Variants in NETO1 observed in about 807,000 individuals in gnomAD.
NETO1 encodes neuropilin and tolloid-like protein 1.
A neutral mutation model predicts 61.3 loss-of-function variants in NETO1; 26 were observed. That is an observed-to-expected ratio of 0.42 (90% CI 0.31 to 0.59). The LOEUF (loss-of-function observed/expected upper bound fraction) is 0.59. NETO1 is among the 20% of genes least tolerant of loss of function. The pLI, the probability that NETO1 is intolerant of heterozygous loss-of-function variation, is 0.12. For synonymous variants in NETO1, 225 were observed against 225.8 expected, an observed-to-expected ratio of 1.00 and a Z score of 0.03; for missense variants, 531 against 662.8, an observed-to-expected ratio of 0.80 and a Z score of 2.18.
At chr18:72,795,717 C>CAT (rs150310117) in intron 4 of NETO1, among the ~76,000 whole-genome samples, 4,065 of 152,186 alleles carry the variant, frequency 0.027, 48 homozygotes, top group South Asian at 0.066. Flanking sequence ...AGATAATTCA[C>CAT]GTCTTACCAC....
intron 7 of NETO1, among the ~76,000 whole-genome samples, chr18:72,765,781 A>G (rs2071133731): frequency 6.6e-6 from 1 of 152,220 alleles, no homozygotes; most frequent in Non-Finnish European, 1.5e-5. Flanking sequence ...ATGTCTGACA[A>G]TGATCTTAAA....
At chr18:72,814,752 A>G (rs899475821) in intron 4 of NETO1, among the ~76,000 whole-genome samples, 2 of 152,060 alleles carry the variant, frequency 1.3e-5, no homozygotes, top group Non-Finnish European at 2.9e-5. Context: ...AAAAAGCATT[A>G]CTACAAATAA....
chr18:72,828,773 A>G (rs2073477542), intron 4 of NETO1, among the ~76,000 whole-genome samples: 1 of 152,220 alleles, frequency 6.6e-6, no homozygotes, highest in South Asian at 2.1e-4. Context: ...AAATGACAGG[A>G]TGACTGCAGA....
chr18:72,754,222 G>T (rs1165329412), intron 8 of NETO1, among the ~76,000 whole-genome samples: 2 of 151,878 alleles, frequency 1.3e-5, no homozygotes, highest in Middle Eastern at 3.2e-3. Flanking sequence ...TAAAATGTTG[G>T]ACTAGAATAT....
At chr18:72,758,496 T>G (rs112760176) in intron 7 of NETO1, among the ~76,000 whole-genome samples, 4 of 151,882 alleles carry the variant, frequency 2.6e-5, no homozygotes, top group African/African-American at 9.7e-5. Flanking sequence ...AGAATTGCTG[T>G]GCAAATGAAA....
chr18:72,814,042 A>G (rs1052505304), intron 4 of NETO1, among the ~76,000 whole-genome samples: 1 of 152,108 alleles, frequency 6.6e-6, no homozygotes, highest in African/African-American at 2.4e-5. Context: ...CCAGACTTCA[A>G]CATCCAAGAA....
intron 7 of NETO1, among the ~76,000 whole-genome samples, chr18:72,765,128 A>T (rs1302433170): frequency 2.6e-5 from 4 of 152,176 alleles, no homozygotes; most frequent in Non-Finnish European, 5.9e-5. Context: ...ACCCCTTAGT[A>T]CACAGCAAGT....
intron 4 of NETO1, chr18:72,834,550 T>G (rs1409557904): frequency 2.0e-6 from 2 of 976,840 alleles, no homozygotes; most frequent in Non-Finnish European, 2.4e-6. Flanking sequence ...ATAAAAGCAA[T>G]GAAAATCATG....
chr18:72,807,418 T>G lies in NETO1; in HGVS notation c.470-13014A>C, dbSNP rs570931030. On this transcript the variant is annotated intron_variant, in intron 4 of 10. Coordinates refer to ENST00000327305, the MANE Select transcript of NETO1 (RefSeq NM_138966.5). Reference sequence around the variant, plus strand: ...TTGTAAAGCTTTTTTGTTCCCTTATTTTATTTATTTAGCTGTAATTTGAAG... The same window carrying G: ...TTGTAAAGCTTTTTTGTTCCCTTATGTTATTTATTTAGCTGTAATTTGAAG... Among the ~76,000 whole-genome samples, 17 of 152,196 alleles carry G rather than the reference T, an allele frequency of 1.1e-4. No homozygotes were observed. The South Asian group carries it at 3.5e-3, about 32-fold the overall frequency.
At chr18:72,750,794 C>T (rs943506026) in intron 8 of NETO1, among the ~76,000 whole-genome samples, 174 bp from the exon 9 acceptor site, 1 of 151,104 alleles carries the variant, frequency 6.6e-6, no homozygotes, top group African/African-American at 2.4e-5. Context: ...TACAAGGTCT[C>T]GTTTTTCACC....
At chr18:72,808,287 A>T (rs2072744165) in intron 4 of NETO1, among the ~76,000 whole-genome samples, 1 of 152,186 alleles carries the variant, frequency 6.6e-6, no homozygotes, top group Admixed American at 6.5e-5. Flanking sequence ...TTCTCCTAAG[A>T]ACTACATGAG....
intron 4 of NETO1, chr18:72,834,118 T>C: frequency 1.1e-6 from 1 of 928,106 alleles, no homozygotes; most frequent in Non-Finnish European, 1.3e-6. Context: ...TTAAAATCAA[T>C]ACTCTGGTAT....
chr18:72,867,197 C>CGGCCCCGGGAAAGGGGCGGGAGGGCT lies in NETO1; in HGVS notation c.28+41_28+66dup, dbSNP rs1398985306. ...GGCGCAGAGGCTTTTCCTGCGCGTT[C>CGGCCCCGGGAAAGGGGCGGGAGGGCT]GGCCCCGGGAAAGGGGCGGGAGGGC... On this transcript the variant is annotated intron_variant, in intron 1 of 10. Coordinates refer to ENST00000327305, the MANE Select transcript of NETO1 (RefSeq NM_138966.5). 2.4e-6 allele frequency: 3 copies of CGGCCCCGGGAAAGGGGCGGGAGGGCT among 1,267,634 alleles called. No individual in the cohort carries two copies. In the East Asian group the frequency reaches 8.5e-5, roughly 36 times the overall value. 78.5% of individuals were successfully genotyped at this position (1,267,634 alleles called of 1,614,324 possible).
chr18:72,765,697 G>A (rs569010996), intron 7 of NETO1, among the ~76,000 whole-genome samples: 7 of 152,194 alleles, frequency 4.6e-5, no homozygotes, highest in Admixed American at 2.6e-4. Flanking sequence ...GGTTACAGGC[G>A]TGAGCCACAG....
intron 4 of NETO1, among the ~76,000 whole-genome samples, chr18:72,822,011 T>C (rs977605591): frequency 1.3e-5 from 2 of 152,186 alleles, no homozygotes; most frequent in African/African-American, 4.8e-5. Context: ...TGACATGTTA[T>C]TCCCTCTCTG....
At chr18:72,852,739 T>C (rs2074289620) in intron 4 of NETO1, among the ~76,000 whole-genome samples, 1 of 152,038 alleles carries the variant, frequency 6.6e-6, no homozygotes, top group South Asian at 2.1e-4. Flanking sequence ...AGCCAAGTCA[T>C]GGACTGGCCA....
At chr18:72,791,552 G>T (rs1358471436) in intron 6 of NETO1, among the ~76,000 whole-genome samples, 1 of 152,022 alleles carries the variant, frequency 6.6e-6, no homozygotes, top group Non-Finnish European at 1.5e-5. Context: ...TTCCCCTTTG[G>T]GTCACAGAAT....
intron 4 of NETO1, among the ~76,000 whole-genome samples, chr18:72,795,677 A>T (rs2072286803): frequency 6.6e-6 from 1 of 152,106 alleles, no homozygotes; most frequent in Admixed American, 6.6e-5. Context: ...ACGTTTTGAT[A>T]TATGTGTACA....
Position 72,846,504 on chromosome 18 carries a change from CAAAAAAAAAA to C in NETO1, c.469+12312_469+12321del, listed in dbSNP as rs35252443. Among the ~76,000 whole-genome samples the C allele has an allele frequency of 1.2e-3, 15 of 12,996 alleles. No homozygotes were observed. In the South Asian group the frequency reaches 0.016, roughly 14 times the overall value. The allele number at this position is 12,996 out of a possible 152,430, so 8.5% of individuals were successfully genotyped here. On this transcript the variant is annotated intron_variant, in intron 4 of 10. Coordinates refer to ENST00000327305, the MANE Select transcript of NETO1 (RefSeq NM_138966.5). Reference sequence around the variant, plus strand: ...TGGGCAATGGAGTGAGACTTCATCTCAAAAAAAAAAAAAAAAAAAAAAAAAAAAAAGAAGA... The same window carrying C: ...TGGGCAATGGAGTGAGACTTCATCTCAAAAAAAAAAAAAAAAAAAAGAAGA...
Sources: gnomAD v4.1 joint callset for allele counts (sites outside exome capture counted in the v4.1 genomes callset) on GRCh38, gnomAD v4.1.1 for gene constraint, MANE v1.5 for transcripts, NCBI Gene and HGNC (gene_info 2026-07-23, HGNC 2026-07-21) for gene names.